FRMPD1: variants seen among roughly 807,000 people sequenced by gnomAD.
FRMPD1 encodes the protein FERM and PDZ domain containing 1, also known as FERM and PDZ domain-containing protein 1.
In FRMPD1, 76 loss-of-function variants were observed where a neutral mutation model predicts 117.8. The ratio of observed to expected loss-of-function variants is 0.65; its 90% CI spans 0.54 to 0.78. The LOEUF is 0.78. Ranked by LOEUF, FRMPD1 falls within the 30% of genes least tolerant of loss-of-function variation. The pLI is 0.00. For synonymous variants in FRMPD1, 783 were observed against 770.4 expected, an observed-to-expected ratio of 1.02 and a Z score of -0.27; for missense variants, 1,786 against 1,964.5, an observed-to-expected ratio of 0.91 and a Z score of 1.72.
At chr9:37,629,885 CCAA>C in the FRMPD1 span, among the ~76,000 whole-genome samples, 1 of 152,252 alleles carries the variant, frequency 6.6e-6, no homozygotes, top group South Asian at 2.1e-4. Flanking sequence ...GAGTGGCTTA[CCAA>C]CAATGGAAAT....
At chr9:37,727,694 C>T (rs1823670889) in intron 7 of FRMPD1, among the ~76,000 whole-genome samples, 1 of 145,132 alleles carries the variant, frequency 6.9e-6, no homozygotes, top group Non-Finnish European at 1.5e-5. Context: ...CAGGACTAGT[C>T]ACTGGGTAGT....
chr9:37,620,507 C>T, the FRMPD1 span, among the ~76,000 whole-genome samples: 3 of 148,606 alleles, frequency 2.0e-5, no homozygotes, highest in African/African-American at 7.8e-5. Context: ...TGCTATTGAT[C>T]ATCATGATTT....
chr9:37,686,140 G>C (rs1420920321), intron 1 of FRMPD1, among the ~76,000 whole-genome samples: 1 of 152,198 alleles, frequency 6.6e-6, no homozygotes, highest in Non-Finnish European at 1.5e-5. Flanking sequence ...GCTCTAAAAA[G>C]ATCTTGTATT....
intron 7 of FRMPD1, among the ~76,000 whole-genome samples, chr9:37,729,318 G>A (rs1823754060): frequency 7.1e-6 from 1 of 141,674 alleles, no homozygotes; most frequent in African/African-American, 2.6e-5. Flanking sequence ...AGGAGGCAAG[G>A]GTTGTAGTGA....
chr9:37,687,361 C>T (rs1821986589), intron 1 of FRMPD1, among the ~76,000 whole-genome samples: 1 of 152,158 alleles, frequency 6.6e-6, no homozygotes, highest in Non-Finnish European at 1.5e-5. Flanking sequence ...ATTTAATAAA[C>T]ATTCTTTGAT....
At chr9:37,730,780 G>T (rs1823833226) in intron 8 of FRMPD1, among the ~76,000 whole-genome samples, 2 of 152,192 alleles carry the variant, frequency 1.3e-5, no homozygotes. Flanking sequence ...GGGAAATGCT[G>T]CCCTTTTGAA....
At chr9:37,689,846 C>T (rs1379613767) in intron 1 of FRMPD1, among the ~76,000 whole-genome samples, 1 of 152,112 alleles carries the variant, frequency 6.6e-6, no homozygotes, top group Non-Finnish European at 1.5e-5. Flanking sequence ...TGGCTCCCAG[C>T]TTCCATTGTT....
At chr9:37,696,802 T>C (rs963728129) in intron 2 of FRMPD1, among the ~76,000 whole-genome samples, 8 of 152,244 alleles carry the variant, frequency 5.3e-5, no homozygotes, top group Admixed American at 4.6e-4. Context: ...ATTCTGTTTT[T>C]TTCTGACTTT....
intron 1 of FRMPD1, among the ~76,000 whole-genome samples, chr9:37,688,961 T>C (rs1233589845): frequency 2.0e-5 from 3 of 152,060 alleles, no homozygotes; most frequent in Non-Finnish European, 4.4e-5. Flanking sequence ...TTAAACATTA[T>C]TAAAAATCAT....
At chr9:37,634,599 G>A in the FRMPD1 span, among the ~76,000 whole-genome samples, 77 of 152,096 alleles carry the variant, frequency 5.1e-4, no homozygotes, top group African/African-American at 1.7e-3. Flanking sequence ...TTGTCCTGCC[G>A]CTTCCCAGTT....
intron 1 of FRMPD1, among the ~76,000 whole-genome samples, chr9:37,689,794 T>C (rs1822070884): frequency 6.6e-6 from 1 of 152,222 alleles, no homozygotes; most frequent in East Asian, 1.9e-4. Flanking sequence ...TATCGAATTC[T>C]AGACTGGGAA....
At chr9:37,729,675 G>C in intron 7 of FRMPD1, 53 bp from the exon 8 acceptor site, 1 of 1,584,748 alleles carries the variant, frequency 6.3e-7, no homozygotes, top group Non-Finnish European at 8.6e-7. Context: ...AGGAAGGCCA[G>C]GGAAGTCCTT....
intron 1 of FRMPD1, among the ~76,000 whole-genome samples, chr9:37,689,785 A>G (rs1472233658): frequency 6.6e-6 from 1 of 152,200 alleles, no homozygotes; most frequent in East Asian, 1.9e-4. Flanking sequence ...TTGATAGGGT[A>G]TCGAATTCTA....
intron 4 of FRMPD1, among the ~76,000 whole-genome samples, chr9:37,710,479 C>T (rs1209541849): frequency 6.6e-6 from 1 of 152,140 alleles, no homozygotes; most frequent in African/African-American, 2.4e-5. Flanking sequence ...TAATGCAAGA[C>T]AAAGATGTCT....
At chr9:37,698,155 C>A (rs1014140853) in intron 2 of FRMPD1, among the ~76,000 whole-genome samples, 3 of 152,202 alleles carry the variant, frequency 2.0e-5, no homozygotes, top group African/African-American at 7.2e-5. Flanking sequence ...AAATGGGATT[C>A]TTTTCCTTCG....
the FRMPD1 span, among the ~76,000 whole-genome samples, chr9:37,644,703 T>C: frequency 1.3e-5 from 2 of 152,210 alleles, no homozygotes; most frequent in Non-Finnish European, 2.9e-5. Context: ...TTACCAGCTC[T>C]GTGACCTCAT....
the FRMPD1 span, among the ~76,000 whole-genome samples, chr9:37,634,554 T>C: frequency 6.6e-6 from 1 of 152,204 alleles, no homozygotes; most frequent in Admixed American, 6.5e-5. Flanking sequence ...TAATCTGGAA[T>C]GGTTGTTTTC....
chr9:37,650,533 C>G (rs938215965), upstream of FRMPD1, among the ~76,000 whole-genome samples: 1 of 152,212 alleles, frequency 6.6e-6, no homozygotes, highest in Non-Finnish European at 1.5e-5. Flanking sequence ...GGCGAGTCCC[C>G]CAGGGCTCCC....
intron 14 of FRMPD1, among the ~76,000 whole-genome samples, chr9:37,738,243 A>G (rs1167607217): frequency 6.6e-6 from 1 of 152,248 alleles, no homozygotes. Context: ...TGTTTCCTCT[A>G]TATGGATAAA....
Sources: gnomAD v4.1 joint callset for allele counts (sites outside exome capture counted in the v4.1 genomes callset) on GRCh38, gnomAD v4.1.1 for gene constraint, MANE v1.5 for transcripts, NCBI Gene and HGNC (gene_info 2026-07-23, HGNC 2026-07-21) for gene names.